Variants in RAB5B observed in about 807,000 individuals in gnomAD.
The protein encoded by RAB5B is RAB5B, member RAS oncogene family.
Under a neutral mutation model 28.6 loss-of-function variants are expected in RAB5B, and 11 were observed. The observed-to-expected ratio is 0.38, with a 90% CI of 0.24 to 0.64. RAB5B has a LOEUF of 0.64. RAB5B is among the 30% of genes least tolerant of loss of function. The pLI is 0.53. For missense variants in RAB5B, 169 were observed against 265.6 expected (o/e 0.64, Z 2.53); for synonymous variants, 93 against 97.9 (o/e 0.95, Z 0.29).
At chr12:55,985,913 A>C (rs1889939121) in intron 1 of RAB5B, among the ~76,000 whole-genome samples, 1 of 152,190 alleles carries the variant, frequency 6.6e-6, no homozygotes, top group South Asian at 2.1e-4. Context: ...TGTTAATGAA[A>C]CAAAGAGTTG....
At chr12:55,984,632 A>G (rs1333005919) in intron 1 of RAB5B, among the ~76,000 whole-genome samples, 1 of 151,504 alleles carries the variant, frequency 6.6e-6, no homozygotes, top group Non-Finnish European at 1.5e-5. Flanking sequence ...ATGCACCACC[A>G]CACCCAGCTA....
chr12:55,985,859 CTT>C, intron 1 of RAB5B: 1 of 329,840 alleles, frequency 3.0e-6, no homozygotes, highest in South Asian at 2.2e-5. Flanking sequence ...TCTTGATAGA[CTT>C]TCAGATTTGG....
In RAB5B at chr12:55,994,071, T is replaced by C. The variant is rs1416570206; in HGVS notation, c.*1859T>C. ...AGACTGCCTTCTATCCCAGAACAGC[T>C]GAGAAATCTATGAAGCTGAGATTCT... On this transcript the variant is annotated 3_prime_UTR_variant, in exon 6 of 6. Coordinates refer to ENST00000360299, the MANE Select transcript of RAB5B (RefSeq NM_002868.4). 1 of 152,652 alleles carries C rather than the reference T, an allele frequency of 6.6e-6. No individual in the cohort carries two copies. Among genetic ancestry groups the C allele is most frequent in the Non-Finnish European group, 1.5e-5 (1 of 68,052 alleles). 9.5% of individuals were successfully genotyped at this position (152,652 alleles called of 1,614,324 possible). A position where few individuals can be genotyped will look rare whatever the true frequency, so the allele number is the denominator to read the frequency against.
Position 55,995,955 on chromosome 12 carries a change from C to T in RAB5B, c.*3743C>T, listed in dbSNP as rs1890278466. ...CCTCTTTCTCCCTCTCTCTCTCTCT[C>T]TCACTCTCTCTCTCTCCATATATAT... is the stretch of plus-strand genomic sequence containing the variant. On this transcript the variant is annotated 3_prime_UTR_variant, in exon 6 of 6. Coordinates refer to ENST00000360299, the MANE Select transcript of RAB5B (RefSeq NM_002868.4). 7.5e-6 allele frequency: 1 copy of T among 133,722 alleles called. No homozygotes were observed. Among genetic ancestry groups the T allele is most frequent in the Non-Finnish European group, 1.6e-5 (1 of 64,082 alleles). The allele number at this position is 133,722 out of a possible 1,614,324, so 8.3% of individuals were successfully genotyped here.
At chr12:55,986,799 T>C in intron 1 of RAB5B, 70 bp from the exon 2 acceptor site, 1 of 650,366 alleles carries the variant, frequency 1.5e-6, no homozygotes, top group Non-Finnish European at 2.7e-6. Context: ...AGAGGTTCTA[T>C]CCTTCTCTGA....
At chr12:55,985,266 G>A (rs975191022) in intron 1 of RAB5B, among the ~76,000 whole-genome samples, 1 of 152,088 alleles carries the variant, frequency 6.6e-6, no homozygotes, top group African/African-American at 2.4e-5. Context: ...AGTAAGTGGG[G>A]TTACTGAAAA....
intron 1 of RAB5B, among the ~76,000 whole-genome samples, chr12:55,984,185 A>ATT (rs550936650): frequency 3.7e-5 from 5 of 135,480 alleles, no homozygotes; most frequent in African/African-American, 8.2e-5. Context: ...CACCCGGCTA[A>ATT]TTTTTTTTTT....
intron 1 of RAB5B, among the ~76,000 whole-genome samples, chr12:55,982,809 C>G (rs1394954796): frequency 6.6e-6 from 1 of 152,200 alleles, no homozygotes; most frequent in African/African-American, 2.4e-5. Flanking sequence ...TCCCCCAGAG[C>G]TCAAGTGATA....
At chr12:55,979,751 C>T (rs1889747088) in intron 1 of RAB5B, among the ~76,000 whole-genome samples, 1 of 152,178 alleles carries the variant, frequency 6.6e-6, no homozygotes, top group Admixed American at 6.5e-5. Context: ...CAAGTACTTA[C>T]CTAAACTGAA....
chr12:55,992,735 A>C lies in RAB5B; in HGVS notation c.*523A>C. The C allele has an allele frequency of 3.2e-6, 1 of 309,988 alleles. No individual in the cohort carries two copies. Among genetic ancestry groups the C allele is most frequent in the Non-Finnish European group, 6.1e-6 (1 of 164,066 alleles). 19.2% of individuals were successfully genotyped at this position (309,988 alleles called of 1,614,324 possible). ...ATAAAGCTCAGAGCAGGAGGGAGTA[A>C]GGAAACATTTCCTTTTTGTTTTTAT... On this transcript the variant is annotated 3_prime_UTR_variant, in exon 6 of 6. Transcript: ENST00000360299.
At chr12:55,980,205 C>G (rs755246378) in intron 1 of RAB5B, among the ~76,000 whole-genome samples, 2 of 152,112 alleles carry the variant, frequency 1.3e-5, no homozygotes, top group Non-Finnish European at 2.9e-5. Context: ...ACCTCCTTGC[C>G]TTCGTTCACT....
chr12:55,980,716 G>A lies in RAB5B; in HGVS notation c.-92-6153G>A, dbSNP rs867202772. ...CCACCCCAGCTGAGGCATTCTCCAT[G>A]ATGCTTTTCATCCAGTTCTGAATAT... On this transcript the variant is annotated intron_variant, in intron 1 of 5. Transcript: ENST00000360299. 2.5e-6 allele frequency: 4 copies of A among 1,579,730 alleles called. No homozygotes were observed. The Middle Eastern group carries it at 6.6e-4, about 262-fold the overall frequency.
chr12:55,980,988 C>G (rs1889790405), intron 1 of RAB5B: 43 of 1,614,058 alleles, frequency 2.7e-5, no homozygotes, highest in Non-Finnish European at 3.6e-5. Flanking sequence ...ACCCCCGAGT[C>G]CCCGATCAGC....
intron 1 of RAB5B, among the ~76,000 whole-genome samples, chr12:55,977,639 A>T (rs1308027577): frequency 1.3e-5 from 2 of 152,204 alleles, no homozygotes; most frequent in African/African-American, 2.4e-5. Context: ...TTGGAAGGTA[A>T]CCAAAGTGTG....
Position 55,990,779 on chromosome 12 carries a change from C to T in RAB5B, c.413C>T (p.Ala138Val). ...IALAGNKADL[A>V]NKRMVEYEEA... ...CTGGCAGGGAACAAAGCTGACCTGG[C>T]CAACAAACGTATGGTGGAGTATGAA... The change falls in exon 4 of 6, where the codon GCC becomes GTC. Residue 138 changes from alanine (A) to valine (V), a missense_variant. By Grantham distance (64) the Ala-to-Val change is moderately conservative. Transcript: ENST00000360299. 1 of 1,614,018 alleles carries T rather than the reference C, an allele frequency of 6.2e-7. No homozygotes were observed. The highest frequency in any genetic ancestry group is 1.1e-5 in the South Asian group (1 of 91,080).
chr12:55,980,605 A>T, intron 1 of RAB5B: 1 of 1,600,106 alleles, frequency 6.2e-7, no homozygotes, highest in South Asian at 1.1e-5. Context: ...ATCGGATTCC[A>T]TGCTCTCGAG....
At chr12:55,983,850 C>CA (rs1276446621) in intron 1 of RAB5B, among the ~76,000 whole-genome samples, 3 of 151,590 alleles carry the variant, frequency 2.0e-5, no homozygotes, top group Non-Finnish European at 4.4e-5. Context: ...TCTAGAGACT[C>CA]AGTCTCGCTA....
At chr12:55,989,259 TTTTG>T (rs982590972) in intron 2 of RAB5B, among the ~76,000 whole-genome samples, 4 of 151,290 alleles carry the variant, frequency 2.6e-5, no homozygotes, top group African/African-American at 7.3e-5. Context: ...TAATTAATTC[TTTTG>T]TTTGTTTGCG....
intron 1 of RAB5B, among the ~76,000 whole-genome samples, chr12:55,982,207 T>G (rs1387521371): frequency 2.0e-5 from 3 of 150,178 alleles, no homozygotes; most frequent in Non-Finnish European, 4.4e-5. Context: ...GTCTCGGGTT[T>G]GAAGGTAATA....
Sources: allele counts gnomAD v4.1 joint callset (sites outside exome capture counted in the v4.1 genomes callset), GRCh38; gene constraint gnomAD v4.1.1; transcripts MANE v1.5; gene names NCBI Gene and HGNC (gene_info 2026-07-23, HGNC 2026-07-21).